The following SCHIP1 variants were observed in gnomAD, a reference collection of about 807,000 sequenced individuals.
SCHIP1 encodes schwannomin interacting protein 1, also known as schwannomin-interacting protein 1.
A neutral mutation model predicts 29.7 loss-of-function variants in SCHIP1; 8 were observed. The observed-to-expected ratio is 0.27, with a 90% confidence interval of 0.16 to 0.49. SCHIP1 has a LOEUF of 0.49. Among genes scored for constraint, SCHIP1 ranks in the 20% least tolerant of loss-of-function variants. The pLI is 0.99. For missense variants in SCHIP1, 193 were observed against 294.6 expected (o/e 0.66, Z 2.52); for synonymous variants, 76 against 94.9 (o/e 0.80, Z 1.16).
At chr3:159,495,938 G>T in the SCHIP1 span, among the ~76,000 whole-genome samples, 1 of 152,136 alleles carries the variant, frequency 6.6e-6, no homozygotes, top group Non-Finnish European at 1.5e-5. Flanking sequence ...AGAGCCCTCA[G>T]AAATAATGCC....
the SCHIP1 span, among the ~76,000 whole-genome samples, chr3:159,746,975 A>C: frequency 6.6e-6 from 1 of 151,690 alleles, no homozygotes; most frequent in African/African-American, 2.4e-5. Context: ...TTTCCATAGC[A>C]CTCTTTTACT....
the SCHIP1 span, among the ~76,000 whole-genome samples, chr3:159,759,529 A>G: frequency 6.6e-6 from 1 of 152,212 alleles, no homozygotes; most frequent in Non-Finnish European, 1.5e-5. Context: ...AATTGTTACT[A>G]TTTGCCAAAC....
chr3:159,539,486 G>A, the SCHIP1 span, among the ~76,000 whole-genome samples: 1 of 136,190 alleles, frequency 7.3e-6, no homozygotes, highest in South Asian at 2.4e-4. Flanking sequence ...CAAGGGATGA[G>A]CAAGGAACCG....
the SCHIP1 span, among the ~76,000 whole-genome samples, chr3:159,358,990 C>T: frequency 2.3e-4 from 34 of 144,936 alleles, no homozygotes; most frequent in Non-Finnish European, 4.3e-4. Context: ...TGCAGTGTCC[C>T]AGTCTCAGTT....
the SCHIP1 span, among the ~76,000 whole-genome samples, chr3:159,819,717 T>C: frequency 6.6e-6 from 1 of 152,194 alleles, no homozygotes; most frequent in African/African-American, 2.4e-5. Context: ...GTAGAGATAA[T>C]AATAGTTTGT....
At chr3:159,589,720 A>T in the SCHIP1 span, among the ~76,000 whole-genome samples, 2 of 152,192 alleles carry the variant, frequency 1.3e-5, no homozygotes, top group Non-Finnish European at 2.9e-5. Flanking sequence ...AAAATTAGAA[A>T]TTGTATAAAA....
chr3:159,418,880 G>T, the SCHIP1 span, among the ~76,000 whole-genome samples: 2 of 152,318 alleles, frequency 1.3e-5, no homozygotes, highest in South Asian at 4.1e-4. Flanking sequence ...GTAATGAAAA[G>T]AACGAAGGCT....
At chr3:159,773,291 C>T in the SCHIP1 span, among the ~76,000 whole-genome samples, 6 of 152,116 alleles carry the variant, frequency 3.9e-5, no homozygotes, top group African/African-American at 1.2e-4. Flanking sequence ...TGAAATTGAG[C>T]ATTTTCAATA....
chr3:159,345,419 A>T, the SCHIP1 span, among the ~76,000 whole-genome samples: 3 of 152,154 alleles, frequency 2.0e-5, no homozygotes, highest in African/African-American at 4.8e-5. Flanking sequence ...GATCATTAAT[A>T]TTTGACCTTT....
chr3:159,676,366 T>C, the SCHIP1 span, among the ~76,000 whole-genome samples: 8 of 152,218 alleles, frequency 5.3e-5, no homozygotes, highest in Non-Finnish European at 2.9e-5. Context: ...ATTTAAATCA[T>C]AGCTAATTAC....
At chr3:159,789,683 C>T in the SCHIP1 span, among the ~76,000 whole-genome samples, 5 of 152,214 alleles carry the variant, frequency 3.3e-5, no homozygotes, top group South Asian at 4.1e-4. Context: ...AGGGATCATA[C>T]TTTGAGAATG....
chr3:159,543,815 C>T, the SCHIP1 span, among the ~76,000 whole-genome samples: 1 of 152,132 alleles, frequency 6.6e-6, no homozygotes, highest in Non-Finnish European at 1.5e-5. Context: ...AATGGTTGAA[C>T]TAGTTTACAG....
the SCHIP1 span, among the ~76,000 whole-genome samples, chr3:159,309,507 T>TA: frequency 3.2e-4 from 49 of 152,266 alleles, no homozygotes; most frequent in African/African-American, 1.1e-3. Flanking sequence ...CTCATTTTCA[T>TA]GCTATATGGG....
At chr3:159,644,918 G>C in the SCHIP1 span, among the ~76,000 whole-genome samples, 2 of 152,094 alleles carry the variant, frequency 1.3e-5, no homozygotes, top group East Asian at 1.9e-4. Context: ...TAACACTCTC[G>C]TTTGAGGGAA....
chr3:159,282,634 G>T, the SCHIP1 span: 10 of 147,990 alleles, frequency 6.8e-5, no homozygotes, highest in African/African-American at 2.2e-4. Context: ...ATTCCAAGTA[G>T]TTAACCCTTT....
the SCHIP1 span, among the ~76,000 whole-genome samples, chr3:159,561,045 G>A: frequency 3.2e-4 from 48 of 152,096 alleles, no homozygotes; most frequent in Non-Finnish European, 5.3e-4. Context: ...TAATCCTGAC[G>A]TTTATACACA....
chr3:159,307,577 G>T, the SCHIP1 span, among the ~76,000 whole-genome samples: 1 of 152,070 alleles, frequency 6.6e-6, no homozygotes, highest in African/African-American at 2.4e-5. Flanking sequence ...GTTTGATAAG[G>T]TTCCACTTGT....
At chr3:159,740,144 G>A in the SCHIP1 span, among the ~76,000 whole-genome samples, 2 of 152,236 alleles carry the variant, frequency 1.3e-5, no homozygotes, top group Non-Finnish European at 2.9e-5. Flanking sequence ...CAAATGCAGA[G>A]ATTCACAAAG....
chr3:159,287,429 C>A, the SCHIP1 span, among the ~76,000 whole-genome samples: 1 of 151,872 alleles, frequency 6.6e-6, no homozygotes, highest in Non-Finnish European at 1.5e-5. Flanking sequence ...GTTGACTCTT[C>A]ATGATTCATT....
Sources: allele counts gnomAD v4.1 joint callset (sites outside exome capture counted in the v4.1 genomes callset), GRCh38; gene constraint gnomAD v4.1.1; transcripts MANE v1.5; gene names NCBI Gene and HGNC (gene_info 2026-07-23, HGNC 2026-07-21).